FOXN3: variants seen among roughly 807,000 people sequenced by gnomAD.
FOXN3 encodes forkhead box protein N3.
A neutral mutation model predicts 38.4 loss-of-function variants in FOXN3; 7 were observed. That is an observed-to-expected ratio of 0.18 (90% confidence interval 0.10 to 0.34). FOXN3 has a LOEUF of 0.34. Among genes scored for constraint, FOXN3 ranks in the 10% least tolerant of loss-of-function variants. The pLI is 1.00. For missense variants in FOXN3, 456 were observed against 613.4 expected (o/e 0.74, Z 2.71); for synonymous variants, 230 against 242.2 (o/e 0.95, Z 0.47).
chr14:89,562,835 C>T (rs1218725870), intron 1 of FOXN3, among the ~76,000 whole-genome samples: 1 of 152,184 alleles, frequency 6.6e-6, no homozygotes. Context: ...ATCTGCGTTA[C>T]CACAGCAATT....
At chr14:89,579,008 T>C (rs929845017) in intron 1 of FOXN3, among the ~76,000 whole-genome samples, 1 of 151,970 alleles carries the variant, frequency 6.6e-6, no homozygotes, top group Admixed American at 6.6e-5. Context: ...CCAACACACC[T>C]GTTGAATTTT....
intron 4 of FOXN3, among the ~76,000 whole-genome samples, chr14:89,204,721 GATA>G (rs1888332144): frequency 6.6e-6 from 1 of 152,118 alleles, no homozygotes; most frequent in African/African-American, 2.4e-5. Flanking sequence ...AGAAGGCTAT[GATA>G]ATATAACTGC....
At chr14:89,334,044 C>CACACACACAT (rs71130056) in intron 3 of FOXN3, among the ~76,000 whole-genome samples, 21,811 of 144,240 alleles carry the variant, frequency 0.15, 2,219 homozygotes, top group South Asian at 0.27. Flanking sequence ...CACACACACA[C>CACACACACAT]ACACAAAGGA....
rs145095728 is a variant in FOXN3 at position 89,276,343 on chromosome 14, T to C, written c.745+4607A>G. On this transcript the variant is annotated intron_variant, in intron 4 of 5. Coordinates refer to ENST00000557258, the MANE Select transcript of FOXN3 (RefSeq NM_005197.4). ...TGGAAATAAAATATGTTAGATAATT[T>C]ATTTTAATTCTACCACCGCATCCTA... is the stretch of plus-strand genomic sequence containing the variant. Among the ~76,000 whole-genome samples the C allele has an allele frequency of 3.9e-3, 590 of 152,318 alleles. 4 individuals are homozygous for C. The highest frequency in any genetic ancestry group is 0.013 in the African/African-American group (553 of 41,562).
At chr14:89,610,385 AT>A (rs1437768844) in intron 1 of FOXN3, among the ~76,000 whole-genome samples, 4 of 152,240 alleles carry the variant, frequency 2.6e-5, no homozygotes, top group Admixed American at 6.5e-5. Context: ...CGTGGCTGGC[AT>A]AGGTGCCCCA....
Position 89,321,792 on chromosome 14 carries a change from C to CT in FOXN3, c.680+28879dup, listed in dbSNP as rs111889428. On this transcript the variant is annotated intron_variant, in intron 3 of 5. Coordinates refer to ENST00000557258, the MANE Select transcript of FOXN3 (RefSeq NM_005197.4). ...TTTCCATTCCTGTCTTTCTTCTTTCCTTTTTTTTTTTTAAATAAAAAAACA... is the reference window on the plus strand; with the variant it reads ...TTTCCATTCCTGTCTTTCTTCTTTCCTTTTTTTTTTTTTAAATAAAAAAACA... Among the ~76,000 whole-genome samples, 694 of 143,858 alleles carry CT rather than the reference C, an allele frequency of 4.8e-3. 5 individuals carry two copies. Among genetic ancestry groups the CT allele is most frequent in the Middle Eastern group, 0.025 (7 of 282 alleles). The allele number at this position is 143,858 out of a possible 152,430, so 94.4% of individuals were successfully genotyped here.
At chr14:89,310,378 C>T (rs1887500323) in intron 3 of FOXN3, among the ~76,000 whole-genome samples, 1 of 152,324 alleles carries the variant, frequency 6.6e-6, no homozygotes, top group Admixed American at 6.5e-5. Flanking sequence ...AGCGGCTCGG[C>T]TGACCTGCAG....
Position 89,392,637 on chromosome 14 carries a change from CTTTT to C in FOXN3, c.543+19293_543+19296del, listed in dbSNP as rs71130072. The stretch of plus-strand genomic sequence containing the variant: ...CCCTGCACATGTGTCTGTGTCTCGT[CTTTT>C]TTTTTTTTTTTTTTTTTGAGATGGA... On this transcript the variant is annotated intron_variant, in intron 2 of 5. Transcript: ENST00000557258. Among the ~76,000 whole-genome samples, 449 of 119,280 alleles carry C rather than the reference CTTTT, an allele frequency of 3.8e-3. 2 individuals carry two copies. The highest frequency in any genetic ancestry group is 0.016 in the African/African-American group (426 of 26,064). 78.3% of individuals were successfully genotyped at this position (119,280 alleles called of 152,430 possible).
chr14:89,275,749 A>G (rs1424182117), intron 4 of FOXN3, among the ~76,000 whole-genome samples: 1 of 152,198 alleles, frequency 6.6e-6, no homozygotes, highest in Non-Finnish European at 1.5e-5. Flanking sequence ...GTATTCCTCA[A>G]AGCAAGTCAT....
chr14:89,357,082 G>A (rs181598657), intron 2 of FOXN3, among the ~76,000 whole-genome samples: 5 of 152,294 alleles, frequency 3.3e-5, no homozygotes, highest in East Asian at 1.9e-4. Flanking sequence ...GCCAGTTAGC[G>A]GCTCACACCT....
intron 4 of FOXN3, among the ~76,000 whole-genome samples, chr14:89,189,451 A>G (rs2139806324): frequency 6.6e-6 from 1 of 152,276 alleles, no homozygotes; most frequent in East Asian, 1.9e-4. Context: ...CTGCTGCTTC[A>G]TGTCACTATT....
At chr14:89,261,517 G>A (rs931608848) in intron 4 of FOXN3, among the ~76,000 whole-genome samples, 3 of 152,160 alleles carry the variant, frequency 2.0e-5, no homozygotes, top group African/African-American at 7.2e-5. Flanking sequence ...AGGAGGGCCG[G>A]CGGCAGTGAC....
intron 3 of FOXN3, chr14:89,284,511 A>C (rs749246812): frequency 6.6e-6 from 3 of 456,062 alleles, no homozygotes; most frequent in South Asian, 4.6e-5. Flanking sequence ...CTAAACTCTT[A>C]GTCATCCTTC....
chr14:89,551,548 A>G (rs1177738487), intron 1 of FOXN3, among the ~76,000 whole-genome samples: 1 of 152,124 alleles, frequency 6.6e-6, no homozygotes, highest in African/African-American at 2.4e-5. Flanking sequence ...CAGTGCTGGT[A>G]TCTTTTCCCA....
intron 1 of FOXN3, among the ~76,000 whole-genome samples, chr14:89,526,996 G>C (rs1431166514): frequency 4.7e-5 from 7 of 150,396 alleles, no homozygotes; most frequent in Non-Finnish European, 1.0e-4. Flanking sequence ...GAGAAAGGGA[G>C]TTTATTCTAT....
chr14:89,221,760 T>C (rs1046663615), intron 4 of FOXN3, among the ~76,000 whole-genome samples: 5 of 152,178 alleles, frequency 3.3e-5, no homozygotes, highest in Non-Finnish European at 2.9e-5. Flanking sequence ...AATATCATTT[T>C]TTATTTTAAA....
intron 1 of FOXN3, among the ~76,000 whole-genome samples, chr14:89,569,865 C>T (rs1202385960): frequency 6.6e-6 from 1 of 152,124 alleles, no homozygotes; most frequent in Non-Finnish European, 1.5e-5. Context: ...ACCCAGGGAG[C>T]TATCCACAAG....
intron 1 of FOXN3, among the ~76,000 whole-genome samples, chr14:89,457,228 G>A (rs1317687914): frequency 6.6e-6 from 1 of 152,200 alleles, no homozygotes; most frequent in Admixed American, 6.5e-5. Context: ...ATTCTTTCTA[G>A]AGACCTTCAC....
chr14:89,434,257 CTT>C (rs1398112557), intron 1 of FOXN3, among the ~76,000 whole-genome samples: 1 of 129,886 alleles, frequency 7.7e-6, no homozygotes, highest in Admixed American at 8.5e-5. Context: ...GAGTTTTGCT[CTT>C]GTTACCCAGG....
Sources: gnomAD v4.1 joint callset for allele counts (sites outside exome capture counted in the v4.1 genomes callset) on GRCh38, gnomAD v4.1.1 for gene constraint, MANE v1.5 for transcripts, NCBI Gene and HGNC (gene_info 2026-07-23, HGNC 2026-07-21) for gene names.